The following ZNF236 variants were observed in gnomAD, a reference collection of about 807,000 sequenced individuals.
ZNF236 encodes the protein zinc finger protein 236.
Under a neutral mutation model 191.2 loss-of-function variants are expected in ZNF236, and 50 were observed. The ratio of observed to expected loss-of-function variants is 0.26; its 90% CI spans 0.21 to 0.33. The LOEUF (loss-of-function observed/expected upper bound fraction) is 0.33. Ranked by LOEUF, ZNF236 falls within the 10% of genes least tolerant of loss-of-function variation. The pLI, the probability that ZNF236 is intolerant of heterozygous loss-of-function variation, is 1.00. For missense variants in ZNF236, 1,754 were observed against 2,374.5 expected, an observed-to-expected ratio of 0.74 and a Z score of 5.43; for synonymous variants, 907 against 928.8, an observed-to-expected ratio of 0.98 and a Z score of 0.43.
chr18:76,827,690 A>C (rs966158134), intron 1 of ZNF236, among the ~76,000 whole-genome samples: 1 of 152,238 alleles, frequency 6.6e-6, no homozygotes, highest in Non-Finnish European at 1.5e-5. Flanking sequence ...GAAGAGGCCC[A>C]CTGAAAGAAT....
At chr18:76,912,853 A>G (rs1346373506) in intron 17 of ZNF236, among the ~76,000 whole-genome samples, 5 of 152,246 alleles carry the variant, frequency 3.3e-5, no homozygotes, top group African/African-American at 1.2e-4. Flanking sequence ...GGGTTTCACC[A>G]CATTGGCCAG....
At chr18:76,872,952 T>G (rs1216471073) in intron 5 of ZNF236, among the ~76,000 whole-genome samples, 1 of 152,214 alleles carries the variant, frequency 6.6e-6, no homozygotes, top group African/African-American at 2.4e-5. Flanking sequence ...TGAATATTTC[T>G]ATGTAGAGTA....
rs1568229974 is a variant in ZNF236, at chr18:76,919,228, CGTCTTCCTAATGTTG to C, written c.3275-544_3275-530del. On this transcript the variant is annotated intron_variant, in intron 19 of 30. Coordinates refer to ENST00000320610, the MANE Select transcript of ZNF236 (RefSeq NM_001306089.2). This position sits in a 1 kb window ranked among gnomAD's most constrained non-coding sequence, Gnocchi z 5.3. ...TGTAGAAGCAGGTCTTTAATCTGAG[CGTCTTCCTAATGTTG>C]GTCATCACTCTCCTAAAGGATGCCC... Among the ~76,000 whole-genome samples, 1 of 152,156 alleles carries C rather than the reference CGTCTTCCTAATGTTG, an allele frequency of 6.6e-6. No homozygotes were observed. Among genetic ancestry groups the C allele is most frequent in the East Asian group, 1.9e-4 (1 of 5,204 alleles).
intron 13 of ZNF236, among the ~76,000 whole-genome samples, chr18:76,907,469 C>T (rs748254596): frequency 2.0e-5 from 3 of 152,190 alleles, no homozygotes; most frequent in Non-Finnish European, 4.4e-5. Context: ...GCTGGGATTA[C>T]AGGCGTGCAC....
chr18:76,860,498 C>A (rs922880533), intron 3 of ZNF236, among the ~76,000 whole-genome samples: 6 of 152,344 alleles, frequency 3.9e-5, no homozygotes, highest in African/African-American at 1.4e-4. Context: ...CCTGTTTTCT[C>A]TTCCACAGAT....
At position 76,948,293 on chromosome 18, in the gene ZNF236, AT is replaced by A. The variant is rs376324022; in HGVS notation, c.4914+642del. 6.9e-3 allele frequency among the ~76,000 whole-genome samples: 1,046 copies of A among 152,316 alleles called. 12 individuals are homozygous for A. Among genetic ancestry groups the A allele is most frequent in the African/African-American group, 0.024 (997 of 41,560 alleles). On this transcript the variant is annotated intron_variant, in intron 27 of 30. Transcript: ENST00000320610. Reference sequence around the variant, plus strand: ...CATTTTTAGCAAATGAGTTTTCAAAATAATGACTTACCGGTTTTTCTGTAGA... The same window carrying A: ...CATTTTTAGCAAATGAGTTTTCAAAAAATGACTTACCGGTTTTTCTGTAGA...
At position 76,968,307 on chromosome 18, in the gene ZNF236, G is replaced by T. The variant is rs943060447; in HGVS notation, c.5512G>T (p.Gly1838Cys). The T allele has an allele frequency of 1.9e-6, 3 of 1,608,836 alleles. No individual in the cohort carries two copies. The highest frequency in any genetic ancestry group is 1.1e-5 in the South Asian group (1 of 89,894). The part of the protein sequence containing the change: ...HLEEVVQEAA[G>C]EWQALTHVF ...GGAGGAGGTGGTGCAGGAGGCCGCC[G>T]GCGAGTGGCAGGCCCTCACCCACGT... is the stretch of plus-strand genomic sequence containing the variant. The change falls in exon 31 of 31, where the codon GGC (glycine) becomes TGC (cysteine). Residue 1838 changes from glycine (G) to cysteine (C), a missense_variant. Gly to Cys is a radical substitution (Grantham distance 159, BLOSUM62 -3). Transcript: ENST00000320610.
intron 27 of ZNF236, among the ~76,000 whole-genome samples, chr18:76,951,043 A>T (rs1455623494): frequency 6.6e-6 from 1 of 152,266 alleles, no homozygotes; most frequent in Non-Finnish European, 1.5e-5. Flanking sequence ...TGGGCTTAAA[A>T]TATTCAGCAA....
At chr18:76,860,147 C>T (rs192749250) in intron 3 of ZNF236, among the ~76,000 whole-genome samples, 3 of 152,182 alleles carry the variant, frequency 2.0e-5, no homozygotes, top group Non-Finnish European at 4.4e-5. Flanking sequence ...AATGTTGAGC[C>T]GTGTGGTCTA....
chr18:76,932,392 T>C (rs946097265), intron 25 of ZNF236, among the ~76,000 whole-genome samples: 2 of 152,240 alleles, frequency 1.3e-5, no homozygotes, highest in African/African-American at 4.8e-5. Context: ...GAAGTTAACA[T>C]AGCAAATGTT....
chr18:76,843,803 A>AAAAAAGAAGTAAAAG (rs71172383), intron 1 of ZNF236, among the ~76,000 whole-genome samples: 1 of 62,080 alleles, frequency 1.6e-5, no homozygotes. Flanking sequence ...AAAAAAAAAA[A>AAAAAAGAAGTAAAAG]AAGTAAAGAA....
intron 10 of ZNF236, among the ~76,000 whole-genome samples, chr18:76,896,881 A>T (rs1977435831): frequency 6.6e-6 from 1 of 151,526 alleles, no homozygotes; most frequent in African/African-American, 2.4e-5. Flanking sequence ...ATACTACCAA[A>T]CACAGTACTG....
intron 10 of ZNF236, 128 bp downstream of exon 10, chr18:76,895,413 A>T: frequency 7.7e-7 from 1 of 1,299,120 alleles, no homozygotes; most frequent in Non-Finnish European, 1.1e-6. Context: ...TACTGCTCAC[A>T]GGGACTGCAC....
At chr18:76,899,292 T>G in intron 11 of ZNF236, 70 bp downstream of exon 11, 1 of 1,334,066 alleles carries the variant, frequency 7.5e-7, no homozygotes, top group South Asian at 1.3e-5. Context: ...GTGAATTGTG[T>G]ACACACATTA....
chr18:76,901,653 G>C (rs554811132), intron 11 of ZNF236, among the ~76,000 whole-genome samples: 1 of 152,160 alleles, frequency 6.6e-6, no homozygotes, highest in African/African-American at 2.4e-5. Context: ...AGCTACTCAG[G>C]AGGCTGAGGC....
intron 21 of ZNF236, among the ~76,000 whole-genome samples, chr18:76,923,654 C>G (rs1433584793): frequency 6.6e-6 from 1 of 152,162 alleles, no homozygotes; most frequent in Non-Finnish European, 1.5e-5. Flanking sequence ...TTCTGGAATT[C>G]TGCACAGTGC....
At chr18:76,958,024 A>T (rs1468648017) in intron 28 of ZNF236, among the ~76,000 whole-genome samples, 10 of 152,330 alleles carry the variant, frequency 6.6e-5, no homozygotes, top group Admixed American at 4.6e-4. Context: ...TCCCTGCCCC[A>T]GGGCTGCATT....
chr18:76,851,479 G>A (rs1975868715), intron 2 of ZNF236, among the ~76,000 whole-genome samples: 1 of 152,082 alleles, frequency 6.6e-6, no homozygotes, highest in South Asian at 2.1e-4. Context: ...TTTGAAAGGT[G>A]TTTCATTGTC....
chr18:76,930,899 A>T (rs1967827753), intron 25 of ZNF236, among the ~76,000 whole-genome samples: 1 of 152,254 alleles, frequency 6.6e-6, no homozygotes, highest in African/African-American at 2.4e-5. Context: ...AGTGTGAACA[A>T]ATACTGTCAT....
Sources: allele counts gnomAD v4.1 joint callset (sites outside exome capture counted in the v4.1 genomes callset), GRCh38; gene constraint gnomAD v4.1.1; non-coding constraint Gnocchi (gnomAD v3.1); transcripts MANE v1.5; gene names NCBI Gene and HGNC (gene_info 2026-07-23, HGNC 2026-07-21).